Variants in SCD5 observed in about 807,000 individuals in gnomAD.
The protein encoded by SCD5 is stearoyl-CoA desaturase 5, also known as acyl-CoA-desaturase 4.
A neutral mutation model predicts 30.4 loss-of-function variants in SCD5; 20 were observed. The observed-to-expected ratio is 0.66, with a 90% CI of 0.46 to 0.96. The LOEUF (loss-of-function observed/expected upper bound fraction) is 0.96, where lower values mean the gene tolerates loss of function less well. Ranked by LOEUF, SCD5 falls within the 40% of genes least tolerant of loss-of-function variation. SCD5 has a pLI of 0.00. For missense variants in SCD5, 381 were observed against 443.3 expected, an observed-to-expected ratio of 0.86 and a Z score of 1.26; for synonymous variants, 173 against 176.4, an observed-to-expected ratio of 0.98 and a Z score of 0.16.
intron 3 of SCD5, among the ~76,000 whole-genome samples, chr4:82,679,300 G>GA (rs1445363717): frequency 1.3e-5 from 2 of 149,162 alleles, no homozygotes; most frequent in Admixed American, 6.7e-5. Context: ...AAGAAAGAAA[G>GA]AAAACATCTT....
intron 1 of SCD5, among the ~76,000 whole-genome samples, chr4:82,786,958 C>T (rs550678479): frequency 9.2e-5 from 14 of 152,266 alleles, no homozygotes; most frequent in African/African-American, 3.4e-4. Flanking sequence ...ATTTTTCTGA[C>T]ATCTGCCCTT....
chr4:82,735,375 G>A (rs1720728608), intron 1 of SCD5, among the ~76,000 whole-genome samples: 1 of 152,144 alleles, frequency 6.6e-6, no homozygotes. Flanking sequence ...TCCTGTCCAA[G>A]GTTGGGTACC....
chr4:82,739,036 G>A (rs1720814940), intron 1 of SCD5, among the ~76,000 whole-genome samples: 1 of 152,122 alleles, frequency 6.6e-6, no homozygotes, highest in South Asian at 2.1e-4. Context: ...CCCCAAGTGT[G>A]CTATTTTTAA....
chr4:82,783,920 A>G (rs1721933397), intron 1 of SCD5, among the ~76,000 whole-genome samples: 1 of 152,186 alleles, frequency 6.6e-6, no homozygotes, highest in Non-Finnish European at 1.5e-5. Flanking sequence ...GTTCTCAGAA[A>G]ATATACACTA....
At chr4:82,730,259 A>G (rs1301005907) in intron 1 of SCD5, among the ~76,000 whole-genome samples, 1 of 90,418 alleles carries the variant, frequency 1.1e-5, no homozygotes, top group South Asian at 2.6e-4. Flanking sequence ...AATATATTAT[A>G]CATTTATATA....
intron 2 of SCD5, among the ~76,000 whole-genome samples, chr4:82,695,366 C>T (rs1719676787): frequency 6.6e-6 from 1 of 151,852 alleles, no homozygotes; most frequent in South Asian, 2.1e-4. Flanking sequence ...GAGGCTTTTG[C>T]AGTAGCCTAG....
intron 3 of SCD5, among the ~76,000 whole-genome samples, chr4:82,655,783 A>C (rs1334219720): frequency 6.6e-6 from 1 of 152,234 alleles, no homozygotes; most frequent in African/African-American, 2.4e-5. Flanking sequence ...TTTGTAAGAT[A>C]GATATCATCA....
Position 82,631,274 on chromosome 4 carries a change from A to G in SCD5, c.*53T>C. The G allele has an allele frequency of 6.5e-7, 1 of 1,549,360 alleles. No individual in the cohort carries two copies. Among genetic ancestry groups the G allele is most frequent in the Non-Finnish European group, 8.8e-7 (1 of 1,134,170 alleles). On this transcript the variant is annotated 3_prime_UTR_variant, in exon 5 of 5. Coordinates refer to ENST00000319540, the MANE Select transcript of SCD5 (RefSeq NM_001037582.3). ...AATGTACAAGAGAGCTATTGTAACC[A>G]AAGCCATGAACCGAGGTTGCAACGG...
At chr4:82,696,764 G>A (rs906142630) in intron 2 of SCD5, among the ~76,000 whole-genome samples, 1 of 152,158 alleles carries the variant, frequency 6.6e-6, no homozygotes, top group Admixed American at 6.5e-5. Flanking sequence ...TGTCTGGCAG[G>A]CTAGCAATGG....
Position 82,694,706 on chromosome 4 carries a change from A to C in SCD5, c.363+10577T>G, listed in dbSNP as rs192859287. ...AATCATAAGAAGAGAAAATATATTT[A>C]CTATTCATTAAGTGGAAGTGGATCA... On this transcript the variant is annotated intron_variant, in intron 2 of 4. Coordinates refer to ENST00000319540, the MANE Select transcript of SCD5 (RefSeq NM_001037582.3). 6.2e-4 allele frequency among the ~76,000 whole-genome samples: 95 copies of C among 152,302 alleles called. No homozygotes were observed. The East Asian group carries it at 6.9e-3, about 11-fold the overall frequency.
intron 1 of SCD5, among the ~76,000 whole-genome samples, chr4:82,767,277 T>A (rs1721513295): frequency 6.6e-6 from 1 of 152,104 alleles, no homozygotes; most frequent in Non-Finnish European, 1.5e-5. Context: ...GCTCACTCTA[T>A]CTGCTGCAGC....
chr4:82,646,961 T>C (rs1727645584), intron 3 of SCD5, among the ~76,000 whole-genome samples: 1 of 152,224 alleles, frequency 6.6e-6, no homozygotes, highest in African/African-American at 2.4e-5. Flanking sequence ...TAGCTGGGAT[T>C]ACAGGCATGC....
At chr4:82,771,045 A>C (rs1237720291) in intron 1 of SCD5, among the ~76,000 whole-genome samples, 1 of 152,164 alleles carries the variant, frequency 6.6e-6, no homozygotes, top group Non-Finnish European at 1.5e-5. Flanking sequence ...TGCTCACTGC[A>C]GCCTCAACCT....
At chr4:82,663,682 G>A (rs1277170608) in intron 3 of SCD5, among the ~76,000 whole-genome samples, 1 of 152,230 alleles carries the variant, frequency 6.6e-6, no homozygotes, top group Admixed American at 6.5e-5. Context: ...TTAAGCTGCT[G>A]GAGGAATACA....
In SCD5 at chr4:82,798,379, C is replaced by A. The variant is rs745330643; in HGVS notation, c.159G>T (p.Met53Ile). Residue 53 changes from methionine to isoleucine, a missense_variant, in exon 1 of 5, where the codon ATG becomes ATT. Met to Ile is a conservative substitution (Grantham distance 10). Transcript: ENST00000319540. ...ACACGGCCCCCAAGTGGAGCAAGCT[C>A]ATCAGGACGACATTCCTCCAGACGA... ...QNIVWRNVVL[M>I]SLLHLGAVYS... 1.9e-6 allele frequency: 3 copies of A among 1,613,456 alleles called. No homozygotes were observed. The South Asian group carries it at 3.3e-5, about 18-fold the overall frequency.
chr4:82,644,369 A>G (rs576231183), intron 3 of SCD5, among the ~76,000 whole-genome samples: 2 of 152,270 alleles, frequency 1.3e-5, no homozygotes, highest in South Asian at 2.1e-4. Flanking sequence ...ACTTTCTACA[A>G]TGTAATCTCC....
At chr4:82,671,794 T>C (rs1278739899) in intron 3 of SCD5, among the ~76,000 whole-genome samples, 1 of 152,116 alleles carries the variant, frequency 6.6e-6, no homozygotes, top group Non-Finnish European at 1.5e-5. Context: ...AGGAGGAGGA[T>C]CACTTGAACC....
intron 3 of SCD5, among the ~76,000 whole-genome samples, chr4:82,672,000 A>T (rs1728336597): frequency 6.6e-6 from 1 of 152,270 alleles, no homozygotes; most frequent in South Asian, 2.1e-4. Context: ...AGAATATTTT[A>T]AACTGAATTA....
chr4:82,756,697 A>C (rs1319756646), intron 1 of SCD5, among the ~76,000 whole-genome samples: 2 of 119,694 alleles, frequency 1.7e-5, no homozygotes, highest in Admixed American at 1.1e-4. Context: ...AGGACCTGTC[A>C]AGTTCAAAGT....
Sources: gnomAD v4.1 joint callset for allele counts (sites outside exome capture counted in the v4.1 genomes callset) on GRCh38, gnomAD v4.1.1 for gene constraint, MANE v1.5 for transcripts, NCBI Gene and HGNC (gene_info 2026-07-23, HGNC 2026-07-21) for gene names.